Variants in NGEF observed in about 807,000 individuals in gnomAD.
The protein encoded by NGEF is neuronal guanine nucleotide exchange factor.
NGEF carries 31 observed loss-of-function variants against 80.9 expected under a neutral mutation model. The observed-to-expected ratio is 0.38, with a 90% CI of 0.29 to 0.52. NGEF has a LOEUF of 0.52. Ranked by LOEUF, NGEF falls within the 20% of genes least tolerant of loss-of-function variation. The pLI is 0.84. For synonymous variants in NGEF, 371 were observed against 370.2 expected, an observed-to-expected ratio of 1.00 and a Z score of -0.03; for missense variants, 709 against 926.2, an observed-to-expected ratio of 0.77 and a Z score of 3.04.
chr2:232,904,470 C>G lies in NGEF; in HGVS notation c.829-9554G>C, dbSNP rs556768514. 7.9e-5 allele frequency among the ~76,000 whole-genome samples: 12 copies of G among 152,288 alleles called. 1 individual carries two copies. Among genetic ancestry groups the G allele is most frequent in the Admixed American group, 7.8e-4 (12 of 15,310 alleles). On this transcript the variant is annotated intron_variant, in intron 5 of 14. Coordinates refer to ENST00000264051, the MANE Select transcript of NGEF (RefSeq NM_019850.3). Reference sequence around the variant, plus strand: ...TCTCGAACTCCTGACCTCAGGTGATCCACCTGCTTTGGTCTCCCAAAGTGC... The same window carrying G: ...TCTCGAACTCCTGACCTCAGGTGATGCACCTGCTTTGGTCTCCCAAAGTGC...
At chr2:232,951,577 G>T (rs1693679512) in intron 3 of NGEF, among the ~76,000 whole-genome samples, 1 of 152,156 alleles carries the variant, frequency 6.6e-6, no homozygotes, top group Non-Finnish European at 1.5e-5. Context: ...TCAGGCTTTA[G>T]GGGCCGCCAG....
At chr2:232,883,751 A>G (rs2106214133) in intron 11 of NGEF, among the ~76,000 whole-genome samples, 1 of 152,318 alleles carries the variant, frequency 6.6e-6, no homozygotes, top group Non-Finnish European at 1.5e-5. Flanking sequence ...GGCCCTTCAC[A>G]GCCCTACGAG....
At chr2:233,001,414 A>T (rs1694975519) in intron 1 of NGEF, among the ~76,000 whole-genome samples, 1 of 152,170 alleles carries the variant, frequency 6.6e-6, no homozygotes, top group Non-Finnish European at 1.5e-5. Flanking sequence ...CCACGGGCCC[A>T]TAGGTAGGGG....
intron 1 of NGEF, among the ~76,000 whole-genome samples, chr2:232,999,617 C>A (rs140845515): frequency 6.6e-6 from 1 of 152,360 alleles, no homozygotes; most frequent in East Asian, 1.9e-4. Context: ...ACAAGGATTG[C>A]ACCTTCTAGG....
chr2:232,897,997 C>T (rs1300745822), intron 5 of NGEF, among the ~76,000 whole-genome samples: 1 of 152,264 alleles, frequency 6.6e-6, no homozygotes, highest in Non-Finnish European at 1.5e-5. Context: ...TGCAGCCCAG[C>T]GCTGACTGGC....
intron 3 of NGEF, chr2:232,928,141 C>A (rs1329882314): frequency 1.0e-6 from 1 of 990,630 alleles, no homozygotes; most frequent in Non-Finnish European, 1.2e-6. Flanking sequence ...GCCGCCACCG[C>A]TGCCGAGCAC....
chr2:232,920,547 G>A lies in NGEF; in HGVS notation c.565C>T (p.Gln189Ter). 1 of 1,545,812 alleles carries A rather than the reference G, an allele frequency of 6.5e-7. No homozygotes were observed. The highest frequency in any genetic ancestry group is 8.7e-7 in the Non-Finnish European group (1 of 1,144,124). Residue 189 changes from glutamine to a stop codon, truncating the protein, a stop_gained, in exon 5 of 15, where the codon CAA becomes TAA. Transcript: ENST00000264051. LOFTEE classifies it high-confidence loss of function. ...TGTTGCCTCCTGGTTTCGATTTCTT[G>A]GAGAGTCGATTTATCTCGGTATTCC... is the stretch of plus-strand genomic sequence containing the variant. ...YQEYRDKSTL[Q>*]EIETRRQQDA...
Position 232,885,267 on chromosome 2 carries a change from C to G in NGEF, c.1437+13G>C. 6.2e-7 allele frequency: 1 copy of G among 1,612,636 alleles called. No individual in the cohort carries two copies. Among genetic ancestry groups the G allele is most frequent in the Non-Finnish European group, 8.5e-7 (1 of 1,179,108 alleles). On this transcript the variant is annotated intron_variant, in intron 10 of 14. Coordinates refer to ENST00000264051, the MANE Select transcript of NGEF (RefSeq NM_019850.3). Reference sequence around the variant, plus strand: ...TGCATGGGCACAGGCTCACACCAATCCCACCGGTTCACCTTGATCTTGAAC... The same window carrying G: ...TGCATGGGCACAGGCTCACACCAATGCCACCGGTTCACCTTGATCTTGAAC...
intron 5 of NGEF, among the ~76,000 whole-genome samples, chr2:232,916,805 C>A (rs1389046593): frequency 1.3e-5 from 2 of 152,226 alleles, no homozygotes; most frequent in East Asian, 1.9e-4. Context: ...ATTTAAAATG[C>A]ACTTCATTCG....
intron 3 of NGEF, among the ~76,000 whole-genome samples, chr2:232,939,646 C>T (rs1266574891): frequency 1.3e-5 from 2 of 152,178 alleles, no homozygotes; most frequent in African/African-American, 2.4e-5. Flanking sequence ...ACAACTACCT[C>T]ACCCTTAACA....
intron 5 of NGEF, among the ~76,000 whole-genome samples, chr2:232,900,662 TCACA>T (rs71405715): frequency 7.7e-5 from 9 of 116,194 alleles, no homozygotes; most frequent in South Asian, 2.6e-4. Flanking sequence ...TCACATTCAC[TCACA>T]CACACACGCT....
chr2:232,885,453 G>A, intron 9 of NGEF, 84 bp from the exon 10 acceptor site: 2 of 1,126,970 alleles, frequency 1.8e-6, no homozygotes, highest in South Asian at 2.5e-5. Context: ...CACAGACAGG[G>A]CTGAGTGACC....
At chr2:232,970,814 A>G (rs903659265) in intron 2 of NGEF, among the ~76,000 whole-genome samples, 9 of 151,772 alleles carry the variant, frequency 5.9e-5, no homozygotes, top group African/African-American at 1.2e-4. Flanking sequence ...AAAGAAAATT[A>G]TAATGATGAT....
At chr2:232,926,102 C>T (rs1320137849) in intron 4 of NGEF, among the ~76,000 whole-genome samples, 1 of 152,186 alleles carries the variant, frequency 6.6e-6, no homozygotes, top group East Asian at 1.9e-4. Flanking sequence ...TCCACTTCCC[C>T]ACTGGAGACA....
At chr2:232,978,023 T>A (rs72978195) in intron 1 of NGEF, among the ~76,000 whole-genome samples, 5,153 of 152,116 alleles carry the variant, frequency 0.034, 320 homozygotes, top group African/African-American at 0.12. Flanking sequence ...TTTGCGGTGT[T>A]GGGTTGAGGA....
At chr2:233,004,321 C>A (rs1036527327) in intron 1 of NGEF, among the ~76,000 whole-genome samples, 1 of 152,162 alleles carries the variant, frequency 6.6e-6, no homozygotes, top group Non-Finnish European at 1.5e-5. Flanking sequence ...ATGCTCCCTG[C>A]TTTCCACCTG....
chr2:232,927,884 C>G (rs531932123), intron 3 of NGEF: 23 of 1,281,638 alleles, frequency 1.8e-5, no homozygotes, highest in South Asian at 7.6e-5. Flanking sequence ...GACAGGCGCC[C>G]GTCCTCACCT....
At chr2:232,928,069 G>T (rs1042111252) in intron 3 of NGEF, 1 of 1,144,758 alleles carries the variant, frequency 8.7e-7, no homozygotes, top group Non-Finnish European at 1.1e-6. Context: ...TGGGTCGGGG[G>T]CGACTAGCGG....
At chr2:233,003,983 G>A (rs1390837472) in intron 1 of NGEF, among the ~76,000 whole-genome samples, 6 of 152,106 alleles carry the variant, frequency 3.9e-5, no homozygotes, top group Non-Finnish European at 4.4e-5. Context: ...GGAGTTTTCT[G>A]ACCTCCTTGC....
Sources: allele counts gnomAD v4.1 joint callset (sites outside exome capture counted in the v4.1 genomes callset), GRCh38; gene constraint gnomAD v4.1.1; transcripts MANE v1.5; gene names NCBI Gene and HGNC (gene_info 2026-07-23, HGNC 2026-07-21).